The following SPAG16 variants were observed in gnomAD, a reference collection of about 807,000 sequenced individuals.
SPAG16 encodes the protein sperm associated antigen 16.
SPAG16 carries 86 observed loss-of-function variants against 80.4 expected under a neutral mutation model. That is an observed-to-expected ratio of 1.07 (90% CI 0.90 to 1.28). The LOEUF (loss-of-function observed/expected upper bound fraction) is 1.28, where lower values mean the gene tolerates loss of function less well. SPAG16 is among the 50% of genes most tolerant of loss of function. SPAG16 has a pLI of 0.00. For synonymous variants in SPAG16, 294 were observed against 265.9 expected, an observed-to-expected ratio of 1.11 and a Z score of -1.03; for missense variants, 870 against 765.3, an observed-to-expected ratio of 1.14 and a Z score of -1.61.
intron 10 of SPAG16, among the ~76,000 whole-genome samples, chr2:213,798,540 G>C (rs954217498): frequency 1.3e-5 from 2 of 152,072 alleles, no homozygotes; most frequent in African/African-American, 4.8e-5. Context: ...ACAGATGTGA[G>C]CCACTGCACC....
chr2:213,310,319 AACACACACACACACACACACACAC>A lies in SPAG16; in HGVS notation c.398+174_398+197del, dbSNP rs59407158. The stretch of plus-strand genomic sequence containing the variant: ...TTCCCATCTCCAGCCCTGAAACCAC[AACACACACACACACACACACACAC>A]ACACACACACACACACACACACACA... On this transcript the variant is annotated intron_variant, in intron 4 of 15. Transcript: ENST00000331683. 8.9e-4 allele frequency: 308 copies of A among 347,256 alleles called. 1 individual carries two copies. Among genetic ancestry groups the A allele is most frequent in the Middle Eastern group, 2.5e-3 (3 of 1,196 alleles). The allele number at this position is 347,256 out of a possible 1,614,324, so 21.5% of individuals were successfully genotyped here. A position where few individuals can be genotyped will look rare whatever the true frequency, so the allele number is the denominator to read the frequency against.
intron 8 of SPAG16, among the ~76,000 whole-genome samples, chr2:213,373,895 C>T (rs1320671126): frequency 6.6e-6 from 1 of 152,052 alleles, no homozygotes; most frequent in Non-Finnish European, 1.5e-5. Flanking sequence ...CAGGTTGACA[C>T]CCCTGGAATT....
chr2:213,569,800 C>T (rs1274340158), intron 10 of SPAG16, among the ~76,000 whole-genome samples: 4 of 129,300 alleles, frequency 3.1e-5, no homozygotes, highest in African/African-American at 8.0e-5. Flanking sequence ...GAATAGTTTC[C>T]GAAGGAATGG....
chr2:213,466,626 GATA>G (rs2072713936), intron 9 of SPAG16, among the ~76,000 whole-genome samples: 1 of 152,172 alleles, frequency 6.6e-6, no homozygotes, highest in Admixed American at 6.5e-5. Flanking sequence ...AGTAGACCTA[GATA>G]CTTCACTGAA....
rs185715676 is a variant in SPAG16, at chr2:213,870,270, C to T, written c.1214+7642C>T. ...CTTTATAATGGCATAAGACTGCTTGCTTTCTGTTGAAATGGGATTATAACC... is the reference window on the plus strand; with the variant it reads ...CTTTATAATGGCATAAGACTGCTTGTTTTCTGTTGAAATGGGATTATAACC... On this transcript the variant is annotated intron_variant, in intron 11 of 15. Transcript: ENST00000331683. 3.3e-5 allele frequency among the ~76,000 whole-genome samples: 5 copies of T among 152,254 alleles called. No individual in the cohort carries two copies. The East Asian group carries it at 5.8e-4, about 18-fold the overall frequency.
At chr2:213,941,309 T>C (rs1456449639) in intron 12 of SPAG16, among the ~76,000 whole-genome samples, 1 of 152,218 alleles carries the variant, frequency 6.6e-6, no homozygotes, top group Non-Finnish European at 1.5e-5. Context: ...TAATTGAGCC[T>C]GTAACTCCTT....
chr2:213,800,173 C>G (rs929870735), intron 10 of SPAG16, among the ~76,000 whole-genome samples: 1 of 152,124 alleles, frequency 6.6e-6, no homozygotes, highest in Non-Finnish European at 1.5e-5. Context: ...AGCAATATTA[C>G]AGTCTCAGTT....
intron 13 of SPAG16, among the ~76,000 whole-genome samples, chr2:214,067,174 C>T (rs1477847993): frequency 6.6e-6 from 1 of 152,086 alleles, no homozygotes; most frequent in Non-Finnish European, 1.5e-5. Context: ...GGAGGGAGAG[C>T]AATAAGACCA....
intron 3 of SPAG16, among the ~76,000 whole-genome samples, chr2:213,308,185 A>G (rs930317398): frequency 3.3e-5 from 5 of 152,200 alleles, no homozygotes; most frequent in African/African-American, 1.2e-4. Context: ...CATTCCATAA[A>G]ATAGAATTAG....
At chr2:214,406,310 T>C (rs372048575) in intron 15 of SPAG16, among the ~76,000 whole-genome samples, 147 of 152,268 alleles carry the variant, frequency 9.7e-4, no homozygotes, top group South Asian at 4.6e-3. Context: ...GATTGAAAAG[T>C]TTTAAAAATT....
At chr2:213,692,605 T>C (rs1463135178) in intron 10 of SPAG16, among the ~76,000 whole-genome samples, 1 of 152,166 alleles carries the variant, frequency 6.6e-6, no homozygotes, top group African/African-American at 2.4e-5. Context: ...GGTCAGCAGA[T>C]AGAGACAATC....
At chr2:213,962,197 G>A (rs886607509) in intron 12 of SPAG16, among the ~76,000 whole-genome samples, 10 of 141,494 alleles carry the variant, frequency 7.1e-5, no homozygotes, top group African/African-American at 2.6e-4. Context: ...CTTTTTTTAT[G>A]TTTTTTTTTT....
intron 12 of SPAG16, among the ~76,000 whole-genome samples, chr2:213,960,365 G>T (rs1467704148): frequency 1.3e-5 from 2 of 151,840 alleles, no homozygotes; most frequent in East Asian, 3.8e-4. Context: ...CTGACAGCAA[G>T]TCTTTTTTAG....
intron 9 of SPAG16, among the ~76,000 whole-genome samples, chr2:213,469,752 T>C (rs1433448652): frequency 6.6e-6 from 1 of 152,050 alleles, no homozygotes; most frequent in Non-Finnish European, 1.5e-5. Context: ...ACGTATACTG[T>C]TCCTTACCTT....
At chr2:213,897,741 G>T (rs975955360) in intron 11 of SPAG16, among the ~76,000 whole-genome samples, 1 of 152,066 alleles carries the variant, frequency 6.6e-6, no homozygotes, top group Admixed American at 6.6e-5. Flanking sequence ...TCCAGCTTCT[G>T]CTATAGCTAA....
At chr2:213,575,559 T>A (rs2060094940) in intron 10 of SPAG16, among the ~76,000 whole-genome samples, 1 of 152,128 alleles carries the variant, frequency 6.6e-6, no homozygotes, top group South Asian at 2.1e-4. Flanking sequence ...GTGTATCCCT[T>A]TTCCCCAGTG....
At chr2:213,432,257 T>C (rs1323262252) in intron 9 of SPAG16, among the ~76,000 whole-genome samples, 4 of 151,936 alleles carry the variant, frequency 2.6e-5, no homozygotes, top group Admixed American at 2.6e-4. Flanking sequence ...CCAAATGCAA[T>C]TGAGACCAAG....
At chr2:214,338,119 A>G (rs1697423795) in intron 15 of SPAG16, among the ~76,000 whole-genome samples, 2 of 152,242 alleles carry the variant, frequency 1.3e-5, no homozygotes, top group African/African-American at 4.8e-5. Flanking sequence ...TCAGTTTAGC[A>G]TATCCACTAC....
chr2:214,409,704 A>G (rs1702192111), intron 15 of SPAG16, among the ~76,000 whole-genome samples: 1 of 152,222 alleles, frequency 6.6e-6, no homozygotes, highest in South Asian at 2.1e-4. Context: ...CATAATTATT[A>G]TAAATAAGTT....
Sources: allele counts gnomAD v4.1 joint callset (sites outside exome capture counted in the v4.1 genomes callset), GRCh38; gene constraint gnomAD v4.1.1; transcripts MANE v1.5; gene names NCBI Gene and HGNC (gene_info 2026-07-23, HGNC 2026-07-21).